The following GLYAT variants were observed in gnomAD, a reference collection of about 807,000 sequenced individuals.
GLYAT encodes the protein glycine N-acyltransferase.
GLYAT carries 25 observed loss-of-function variants against 22.8 expected under a neutral mutation model. The ratio of observed to expected loss-of-function variants is 1.09; its 90% CI spans 0.80 to 1.53. The LOEUF (loss-of-function observed/expected upper bound fraction) is 1.53, where lower values mean the gene tolerates loss of function less well. Ranked by LOEUF, GLYAT falls within the 40% of genes most tolerant of loss-of-function variation. The pLI, the probability that GLYAT is intolerant of heterozygous loss-of-function variation, is 0.00. For missense variants in GLYAT, 411 were observed against 353.9 expected, an observed-to-expected ratio of 1.16 and a Z score of -1.29; for synonymous variants, 140 against 122.7, an observed-to-expected ratio of 1.14 and a Z score of -0.93.
In GLYAT at chr11:58,709,958, G is replaced by A. The variant is rs370913726; in HGVS notation, c.699C>T (p.Thr233=). The change falls in exon 6 of 6, where the codon ACC becomes ACT. Residue 233 remains threonine, a synonymous_variant. Coordinates refer to ENST00000344743, the MANE Select transcript of GLYAT (RefSeq NM_201648.3). ...DQTGEMRMAG[T]LPEYRLHGLV... The stretch of plus-strand genomic sequence containing the variant: ...GGCCATGGAGCCGGTATTCCGGCAA[G>A]GTGCCTGCCATTCTCATCTCTCCAG... The A allele has an allele frequency of 6.2e-7, 1 of 1,614,066 alleles. No homozygotes were observed. Among genetic ancestry groups the A allele is most frequent in the Non-Finnish European group, 8.5e-7 (1 of 1,179,966 alleles).
intron 3 of GLYAT, 28 bp from the exon 4 acceptor site, chr11:58,712,914 A>G (rs757974535): frequency 5.5e-6 from 8 of 1,462,308 alleles, no homozygotes; most frequent in Non-Finnish European, 7.6e-6. Context: ...AAGGAAATAA[A>G]ACACATCCTT....
chr11:58,708,937 C>G lies in GLYAT; in HGVS notation c.*829G>C, dbSNP rs1856574171. The G allele has an allele frequency of 1.3e-5, 2 of 152,172 alleles. No homozygotes were observed. The highest frequency in any genetic ancestry group is 2.4e-5 in the African/African-American group (1 of 41,426). The allele number at this position is 152,172 out of a possible 1,614,324, so 9.4% of individuals were successfully genotyped here. ...CATGCTGTCTCCTCTCCCTTCAACT[C>G]CTATCTCTCCTCAATAAACCATCAC... On this transcript the variant is annotated 3_prime_UTR_variant, in exon 6 of 6. Coordinates refer to ENST00000344743, the MANE Select transcript of GLYAT (RefSeq NM_201648.3).
At chr11:58,712,264 C>A (rs904452250) in intron 4 of GLYAT, among the ~76,000 whole-genome samples, 3 of 152,146 alleles carry the variant, frequency 2.0e-5, no homozygotes, top group Non-Finnish European at 2.9e-5. Flanking sequence ...ACATTATTTT[C>A]CTCATTTTTA....
intron 2 of GLYAT, among the ~76,000 whole-genome samples, chr11:58,721,408 G>A (rs1331913350): frequency 6.6e-6 from 1 of 151,498 alleles, no homozygotes; most frequent in Non-Finnish European, 1.5e-5. Flanking sequence ...AGCCTTTGTT[G>A]CAATAACTAT....
At chr11:58,720,505 C>T (rs1369467283) in intron 2 of GLYAT, among the ~76,000 whole-genome samples, 1 of 151,970 alleles carries the variant, frequency 6.6e-6, no homozygotes, top group African/African-American at 2.4e-5. Flanking sequence ...CCAAGCTGTC[C>T]TCATTCATTC....
rs573139673 is a variant in GLYAT at position 58,715,850 on chromosome 11, A to G, written c.82-427T>C. The stretch of plus-strand genomic sequence containing the variant: ...GTTGATGACATCTCAGCTGTTTTCA[A>G]CTTTTCACTCAAATAAATAATTCTT... On this transcript the variant is annotated intron_variant, in intron 2 of 5. Coordinates refer to ENST00000344743, the MANE Select transcript of GLYAT (RefSeq NM_201648.3). Among the ~76,000 whole-genome samples, 34 of 152,312 alleles carry G rather than the reference A, an allele frequency of 2.2e-4. No homozygotes were observed. In the South Asian group the frequency reaches 2.5e-3, roughly 11 times the overall value.
Position 58,709,520 on chromosome 11 carries a change from C to T in GLYAT, c.*246G>A. ...TATCTGATGAAGTGTCATAGAGGTC[C>T]TGGAAATGTGGGGAGGTAAATTGCT... On this transcript the variant is annotated 3_prime_UTR_variant, in exon 6 of 6. Transcript: ENST00000344743. 1 of 424,602 alleles carries T rather than the reference C, an allele frequency of 2.4e-6. No homozygotes were observed. Among genetic ancestry groups the T allele is most frequent in the Non-Finnish European group, 4.2e-6 (1 of 237,984 alleles). 26.3% of individuals were successfully genotyped at this position (424,602 alleles called of 1,614,324 possible).
intron 5 of GLYAT, 101 bp downstream of exon 5, chr11:58,710,489 T>TACA: frequency 1.1e-6 from 1 of 937,926 alleles, no homozygotes; most frequent in Non-Finnish European, 1.7e-6. Flanking sequence ...GATTTCTTTG[T>TACA]ACAACATTGA....
intron 2 of GLYAT, among the ~76,000 whole-genome samples, chr11:58,719,277 A>G (rs1023975271): frequency 1.3e-5 from 2 of 152,010 alleles, no homozygotes; most frequent in African/African-American, 4.8e-5. Flanking sequence ...TTAATTTTCT[A>G]AACAAGAAGC....
chr11:58,719,376 C>T (rs1047629656), intron 2 of GLYAT, among the ~76,000 whole-genome samples: 17 of 151,902 alleles, frequency 1.1e-4, no homozygotes, highest in Non-Finnish European at 1.9e-4. Context: ...TAAAATGTAA[C>T]TTCCTTAAGC....
At chr11:58,729,498 TG>T (rs149445835) in intron 1 of GLYAT, among the ~76,000 whole-genome samples, 1 of 152,320 alleles carries the variant, frequency 6.6e-6, no homozygotes, top group East Asian at 1.9e-4. Flanking sequence ...TGAATTCTTC[TG>T]AGGCAGGATG....
chr11:58,731,864 G>C lies in GLYAT; in HGVS notation c.-45C>G, dbSNP rs544057972. On this transcript the variant is annotated 5_prime_UTR_variant, in exon 1 of 6. Coordinates refer to ENST00000344743, the MANE Select transcript of GLYAT (RefSeq NM_201648.3). ...AAAGCTAGTCTCTGCAGATGTTTCCGGGAAGAAACGATGAGCAACACCCTT... is the reference window on the plus strand; with the variant it reads ...AAAGCTAGTCTCTGCAGATGTTTCCCGGAAGAAACGATGAGCAACACCCTT... 1.3e-5 allele frequency: 2 copies of C among 152,060 alleles called. No homozygotes were observed. Among genetic ancestry groups the C allele is most frequent in the South Asian group, 2.1e-4 (1 of 4,818 alleles). 9.4% of individuals were successfully genotyped at this position (152,060 alleles called of 1,614,324 possible). A position where few individuals can be genotyped will look rare whatever the true frequency, so the allele number is the denominator to read the frequency against.
At chr11:58,710,883 C>G in intron 4 of GLYAT, 122 bp from the exon 5 acceptor site, 1 of 648,642 alleles carries the variant, frequency 1.5e-6, no homozygotes, top group Non-Finnish European at 2.8e-6. Context: ...CTTGGTGCTA[C>G]CACTGTGTGA....
chr11:58,710,729 T>A lies in GLYAT; in HGVS notation c.349A>T (p.Asn117Tyr). 1 of 1,611,630 alleles carries A rather than the reference T, an allele frequency of 6.2e-7. No individual in the cohort carries two copies. The highest frequency in any genetic ancestry group is 8.5e-7 in the Non-Finnish European group (1 of 1,177,766). The change falls in exon 5 of 6, where the codon AAT becomes TAT. Residue 117 changes from asparagine to tyrosine, a missense_variant. Coordinates refer to ENST00000344743, the MANE Select transcript of GLYAT (RefSeq NM_201648.3). ...SQPSLNEAIQ[N>Y]LAAIKSFKVK... ...TTGAAGGACTTAATGGCTGCAAGAT[T>A]TTGTATAGCCTCATTCAGGCTAGGC...
At chr11:58,731,522 G>T (rs559109571) in intron 1 of GLYAT, among the ~76,000 whole-genome samples, 13 of 152,086 alleles carry the variant, frequency 8.5e-5, no homozygotes, top group Non-Finnish European at 1.8e-4. Flanking sequence ...CACTTAAGTG[G>T]AAGAGGTGTC....
chr11:58,728,873 AGAAAGAAAGAAAGAAAGAAGGAAGGAAG>A (rs2134498765), intron 1 of GLYAT: 1 of 113,566 alleles, frequency 8.8e-6, no homozygotes, highest in East Asian at 2.4e-4. Context: ...AAAGAAAGAA[AGAAAGAAAGAAAGAAAGAAGGAAGGAAG>A]GAAGGAAGGA....
At chr11:58,721,157 T>C (rs1358478873) in intron 2 of GLYAT, among the ~76,000 whole-genome samples, 2 of 151,948 alleles carry the variant, frequency 1.3e-5, no homozygotes, top group Non-Finnish European at 2.9e-5. Flanking sequence ...CCCACTTTTT[T>C]TTTCTATCTT....
rs189867162 is a variant in GLYAT, at chr11:58,718,830, A to G, written c.82-3407T>C. On this transcript the variant is annotated intron_variant, in intron 2 of 5. Transcript: ENST00000344743. ...GGTTTAAGGCAGCCATTGTCAAAAGATACAATTGACAAGAAAATTTATTAC... is the reference window on the plus strand; with the variant it reads ...GGTTTAAGGCAGCCATTGTCAAAAGGTACAATTGACAAGAAAATTTATTAC... Among the ~76,000 whole-genome samples the G allele has an allele frequency of 6.5e-4, 99 of 152,120 alleles. 1 individual carries two copies. Among genetic ancestry groups the G allele is most frequent in the Non-Finnish European group, 1.2e-3 (79 of 67,920 alleles).
intron 1 of GLYAT, among the ~76,000 whole-genome samples, chr11:58,730,979 A>G (rs1856865696): frequency 6.6e-6 from 1 of 152,184 alleles, no homozygotes; most frequent in Admixed American, 6.6e-5. Flanking sequence ...AAATGAGAAA[A>G]TATAGGACAC....
Sources: allele counts gnomAD v4.1 joint callset (sites outside exome capture counted in the v4.1 genomes callset), GRCh38; gene constraint gnomAD v4.1.1; transcripts MANE v1.5; gene names NCBI Gene and HGNC (gene_info 2026-07-23, HGNC 2026-07-21).